SPOCK3: variants seen among roughly 807,000 people sequenced by gnomAD.
The protein encoded by SPOCK3 is SPARC (osteonectin), cwcv and kazal like domains proteoglycan 3.
SPOCK3 carries 30 observed loss-of-function variants against 56.6 expected under a neutral mutation model. The observed-to-expected ratio is 0.53, with a 90% CI of 0.40 to 0.72. The LOEUF (loss-of-function observed/expected upper bound fraction) is 0.72, where lower values mean the gene tolerates loss of function less well. Among genes scored for constraint, SPOCK3 ranks in the 30% least tolerant of loss-of-function variants. The pLI, the probability that SPOCK3 is intolerant of heterozygous loss-of-function variation, is 0.00. For synonymous variants in SPOCK3, 196 were observed against 183.3 expected (o/e 1.07, Z -0.56); for missense variants, 527 against 530.0 (o/e 0.99, Z 0.06).
intron 4 of SPOCK3, among the ~76,000 whole-genome samples, chr4:166,920,181 C>T (rs767282143): frequency 4.6e-5 from 7 of 152,052 alleles, no homozygotes; most frequent in South Asian, 2.1e-4. Context: ...AAATTTTAAA[C>T]GTAATGGAAA....
chr4:167,022,053 T>C (rs1329359713), intron 3 of SPOCK3, among the ~76,000 whole-genome samples: 1 of 151,980 alleles, frequency 6.6e-6, no homozygotes, highest in Non-Finnish European at 1.5e-5. Flanking sequence ...GTAAAGTTTC[T>C]AGGAACTCTG....
At chr4:167,040,588 T>A (rs1388003440) in intron 3 of SPOCK3, among the ~76,000 whole-genome samples, 1 of 152,220 alleles carries the variant, frequency 6.6e-6, no homozygotes, top group Admixed American at 6.5e-5. Flanking sequence ...ATGAAATACG[T>A]TGCTAACAAA....
At chr4:166,869,770 A>G (rs1732263413) in intron 6 of SPOCK3, among the ~76,000 whole-genome samples, 1 of 152,114 alleles carries the variant, frequency 6.6e-6, no homozygotes. Flanking sequence ...GATAACTGAT[A>G]TTATAGGGCA....
At chr4:166,968,228 C>T (rs1421718331) in intron 4 of SPOCK3, among the ~76,000 whole-genome samples, 1 of 152,150 alleles carries the variant, frequency 6.6e-6, no homozygotes, top group Non-Finnish European at 1.5e-5. Context: ...GGAAAATTTG[C>T]AGCCTGAACA....
At chr4:166,863,078 C>A (rs1367327673) in intron 6 of SPOCK3, among the ~76,000 whole-genome samples, 1 of 152,046 alleles carries the variant, frequency 6.6e-6, no homozygotes, top group African/African-American at 2.4e-5. Context: ...CGAAACCCTA[C>A]AAGCCAAAAG....
chr4:166,888,061 C>T (rs1326286678), intron 6 of SPOCK3, among the ~76,000 whole-genome samples: 1 of 151,864 alleles, frequency 6.6e-6, no homozygotes, highest in Non-Finnish European at 1.5e-5. Context: ...GTTTTTTCAT[C>T]TTAAATATTT....
intron 6 of SPOCK3, among the ~76,000 whole-genome samples, chr4:166,809,679 G>A (rs1743563311): frequency 6.6e-6 from 1 of 151,998 alleles, no homozygotes; most frequent in Admixed American, 6.6e-5. Context: ...ACTTTGCTAT[G>A]TTGATATAAT....
At chr4:167,116,460 ATATACACACTTTTG>A (rs1334177407) in intron 2 of SPOCK3, among the ~76,000 whole-genome samples, 1 of 133,174 alleles carries the variant, frequency 7.5e-6, no homozygotes, top group Non-Finnish European at 1.6e-5. Flanking sequence ...AAAAGTATAT[ATATACACACTTTTG>A]TATATATATA....
intron 2 of SPOCK3, among the ~76,000 whole-genome samples, chr4:167,134,022 C>CTTTTTTTTTTTTT (rs34410893): frequency 2.5e-5 from 2 of 80,560 alleles, no homozygotes; most frequent in Non-Finnish European, 4.6e-5. Flanking sequence ...ACACCTTTTT[C>CTTTTTTTTTTTTT]TTTTTTTTTT....
At position 166,940,874 on chromosome 4, in the gene SPOCK3, C is replaced by T. The variant is rs114930053; in HGVS notation, c.351-28131G>A. On this transcript the variant is annotated intron_variant, in intron 4 of 10. Coordinates refer to ENST00000357545, the MANE Select transcript of SPOCK3 (RefSeq NM_001040159.2). Reference sequence around the variant, plus strand: ...CACCTCCTTATGAAGAACGTAAGACCCTGTTAAGGAAGTTTCCCGAGTGCT... The same window carrying T: ...CACCTCCTTATGAAGAACGTAAGACTCTGTTAAGGAAGTTTCCCGAGTGCT... 8.3e-3 allele frequency among the ~76,000 whole-genome samples: 1,226 copies of T among 148,226 alleles called. 13 individuals carry two copies. Among genetic ancestry groups the T allele is most frequent in the African/African-American group, 0.028 (1,147 of 40,264 alleles).
chr4:167,040,599 G>T (rs1753157287), intron 3 of SPOCK3, among the ~76,000 whole-genome samples: 1 of 152,150 alleles, frequency 6.6e-6, no homozygotes, highest in African/African-American at 2.4e-5. Flanking sequence ...TGCTAACAAA[G>T]ATTCCCCCAA....
At chr4:166,950,481 T>A (rs1463210542) in intron 4 of SPOCK3, among the ~76,000 whole-genome samples, 2 of 151,708 alleles carry the variant, frequency 1.3e-5, no homozygotes, top group Non-Finnish European at 2.9e-5. Flanking sequence ...CACACATTAA[T>A]AATGGGAGAC....
chr4:166,910,290 T>C (rs1737125693), intron 5 of SPOCK3, among the ~76,000 whole-genome samples: 1 of 152,136 alleles, frequency 6.6e-6, no homozygotes, highest in Admixed American at 6.6e-5. Context: ...TTTTGTAATG[T>C]CTTTCTATGT....
At position 166,930,730 on chromosome 4, in the gene SPOCK3, C is replaced by T. The variant is rs377278260; in HGVS notation, c.351-17987G>A. 2.6e-3 allele frequency among the ~76,000 whole-genome samples: 397 copies of T among 152,296 alleles called. 1 individual carries two copies. Among genetic ancestry groups the T allele is most frequent in the African/African-American group, 8.9e-3 (371 of 41,572 alleles). ...AGGCAAAGCATAGACAGGAAGTTAG[C>T]ATGCATTATCCTATAAAACGTATGT... On this transcript the variant is annotated intron_variant, in intron 4 of 10. Coordinates refer to ENST00000357545, the MANE Select transcript of SPOCK3 (RefSeq NM_001040159.2).
chr4:166,955,467 T>G (rs1184015181), intron 4 of SPOCK3, among the ~76,000 whole-genome samples: 1 of 146,402 alleles, frequency 6.8e-6, no homozygotes, highest in East Asian at 1.9e-4. Context: ...ATATAAATAT[T>G]ATATTATATT....
chr4:166,858,625 G>A (rs1730923226), intron 6 of SPOCK3, among the ~76,000 whole-genome samples: 1 of 152,016 alleles, frequency 6.6e-6, no homozygotes, highest in African/African-American at 2.4e-5. Context: ...CAAATATGTT[G>A]TATTTAATAT....
chr4:166,826,308 T>C (rs992090044), intron 6 of SPOCK3, among the ~76,000 whole-genome samples: 1 of 152,138 alleles, frequency 6.6e-6, no homozygotes, highest in Admixed American at 6.5e-5. Context: ...CTTAAGTGTT[T>C]TACAATTTGG....
chr4:166,927,986 C>T (rs904968596), intron 4 of SPOCK3, among the ~76,000 whole-genome samples: 1 of 152,148 alleles, frequency 6.6e-6, no homozygotes, highest in Non-Finnish European at 1.5e-5. Context: ...AGTTGATCTA[C>T]AGCATATGTT....
intron 7 of SPOCK3, among the ~76,000 whole-genome samples, chr4:166,777,295 T>C (rs1206239810): frequency 2.0e-5 from 3 of 152,232 alleles, no homozygotes; most frequent in African/African-American, 4.8e-5. Flanking sequence ...TATTAATATT[T>C]TGTAAACATT....
Sources: allele counts gnomAD v4.1 joint callset (sites outside exome capture counted in the v4.1 genomes callset), GRCh38; gene constraint gnomAD v4.1.1; transcripts MANE v1.5; gene names NCBI Gene and HGNC (gene_info 2026-07-23, HGNC 2026-07-21).